SLC4A4: variants seen among roughly 807,000 people sequenced by gnomAD.
SLC4A4 encodes the protein electrogenic sodium bicarbonate cotransporter 1.
In SLC4A4, 27 loss-of-function variants were observed where a neutral mutation model predicts 111.5. The ratio of observed to expected loss-of-function variants is 0.24; its 90% CI spans 0.18 to 0.33. The LOEUF is 0.33. Ranked by LOEUF, SLC4A4 falls within the 10% of genes least tolerant of loss-of-function variation. SLC4A4 has a pLI of 1.00. For missense variants in SLC4A4, 909 were observed against 1,315.5 expected, an observed-to-expected ratio of 0.69 and a Z score of 4.78; for synonymous variants, 443 against 463.4, an observed-to-expected ratio of 0.96 and a Z score of 0.57.
intron 16 of SLC4A4, among the ~76,000 whole-genome samples, chr4:71,502,425 T>A (rs1178378156): frequency 6.6e-6 from 1 of 152,202 alleles, no homozygotes; most frequent in African/African-American, 2.4e-5. Context: ...TTCCTCAGGC[T>A]GTTTATTAGA....
intron 1 of SLC4A4, among the ~76,000 whole-genome samples, chr4:71,211,493 T>G (rs1158475654): frequency 6.6e-6 from 1 of 152,216 alleles, no homozygotes; most frequent in Non-Finnish European, 1.5e-5. Context: ...CACAAACTAC[T>G]AACAATAAAT....
intron 14 of SLC4A4, among the ~76,000 whole-genome samples, chr4:71,484,804 C>A (rs1729220824): frequency 6.6e-6 from 1 of 151,630 alleles, no homozygotes; most frequent in South Asian, 2.1e-4. Flanking sequence ...GAATGTTTTT[C>A]TATTGTTTGT....
intron 16 of SLC4A4, among the ~76,000 whole-genome samples, chr4:71,521,978 A>G (rs1020067827): frequency 4.6e-5 from 7 of 152,084 alleles, no homozygotes; most frequent in South Asian, 2.1e-4. Flanking sequence ...TCCATACCTC[A>G]CGGAGCCACT....
chr4:71,393,603 AAATTT>A (rs1163167593), intron 6 of SLC4A4, among the ~76,000 whole-genome samples: 5 of 152,276 alleles, frequency 3.3e-5, no homozygotes, highest in Non-Finnish European at 7.4e-5. Flanking sequence ...AGCAATCTAC[AAATTT>A]AACACAAACT....
At chr4:71,276,245 A>G (rs937367399) in intron 3 of SLC4A4, among the ~76,000 whole-genome samples, 7 of 152,354 alleles carry the variant, frequency 4.6e-5, no homozygotes, top group Middle Eastern at 3.4e-3. Flanking sequence ...CCCAATGGTT[A>G]TATCTTATAT....
intron 2 of SLC4A4, among the ~76,000 whole-genome samples, chr4:71,153,975 A>G (rs1744390742): frequency 6.6e-6 from 1 of 152,174 alleles, no homozygotes; most frequent in South Asian, 2.1e-4. Flanking sequence ...AGTGAGGTGA[A>G]CAAAACAATG....
intron 3 of SLC4A4, among the ~76,000 whole-genome samples, chr4:71,314,872 A>G (rs911846016): frequency 1.3e-5 from 2 of 152,126 alleles, no homozygotes; most frequent in African/African-American, 4.8e-5. Flanking sequence ...ACCATGGCAC[A>G]TGTATACCTA....
chr4:71,375,234 G>A (rs770801550), intron 6 of SLC4A4, among the ~76,000 whole-genome samples: 25 of 152,160 alleles, frequency 1.6e-4, no homozygotes, highest in Non-Finnish European at 2.6e-4. Flanking sequence ...TCCTCATGTG[G>A]AAGTGTTCAG....
chr4:71,281,924 CTTTTTTT>C (rs765763593), intron 3 of SLC4A4, among the ~76,000 whole-genome samples: 1 of 136,818 alleles, frequency 7.3e-6, no homozygotes, highest in Non-Finnish European at 1.6e-5. Flanking sequence ...TTTTCTCTTT[CTTTTTTT>C]TTTTTTTGGT....
chr4:71,431,398 G>A (rs1723635285), intron 7 of SLC4A4, among the ~76,000 whole-genome samples: 1 of 152,226 alleles, frequency 6.6e-6, no homozygotes, highest in East Asian at 1.9e-4. Flanking sequence ...ATCCCATTCA[G>A]AGGACACAGC....
intron 3 of SLC4A4, among the ~76,000 whole-genome samples, chr4:71,311,698 A>T (rs572169246): frequency 6.6e-5 from 10 of 152,328 alleles, no homozygotes; most frequent in African/African-American, 2.4e-4. Context: ...TTTAGAGGGA[A>T]ATTTATAGCA....
intron 3 of SLC4A4, among the ~76,000 whole-genome samples, chr4:71,337,465 A>T (rs923491467): frequency 1.3e-5 from 2 of 152,124 alleles, no homozygotes; most frequent in African/African-American, 4.8e-5. Context: ...TTCATTGTGT[A>T]GTTGTACCAT....
At chr4:71,565,563 G>A (rs1431509041) in intron 24 of SLC4A4, among the ~76,000 whole-genome samples, 2 of 30,882 alleles carry the variant, frequency 6.5e-5, no homozygotes, top group East Asian at 6.9e-3. Context: ...GGTTAAAAAG[G>A]GGAAATTTTT....
chr4:71,569,653 G>A lies in SLC4A4; in HGVS notation c.*1902G>A, dbSNP rs1002260668. The A allele has an allele frequency of 2.0e-5, 3 of 151,414 alleles. No individual in the cohort carries two copies. The highest frequency in any genetic ancestry group is 1.3e-4 in the Admixed American group (2 of 15,172). The allele number at this position is 151,414 out of a possible 1,614,324, so 9.4% of individuals were successfully genotyped here. A position where few individuals can be genotyped will look rare whatever the true frequency, so the allele number is the denominator to read the frequency against. ...TCCTAACTATAACCAGTTGTTGAGG[G>A]GTATACTAGAAGCAGAATGAAACCA... On this transcript the variant is annotated 3_prime_UTR_variant, in exon 26 of 26. Transcript: ENST00000264485.
At chr4:71,347,547 T>C (rs1054056745) in intron 4 of SLC4A4, among the ~76,000 whole-genome samples, 6 of 152,282 alleles carry the variant, frequency 3.9e-5, no homozygotes, top group African/African-American at 1.2e-4. Flanking sequence ...AAGTCATTAA[T>C]CCATCTAATC....
chr4:71,292,833 G>GTTTTTTTTTTTT (rs1210782035), intron 3 of SLC4A4, among the ~76,000 whole-genome samples: 1 of 133,386 alleles, frequency 7.5e-6, no homozygotes, highest in African/African-American at 3.0e-5. Flanking sequence ...CTTACTTTTG[G>GTTTTTTTTTTTT]TTTTTTTTGT....
At chr4:71,088,013 T>C (rs1742242806) in intron 1 of SLC4A4, among the ~76,000 whole-genome samples, 1 of 152,006 alleles carries the variant, frequency 6.6e-6, no homozygotes, top group Non-Finnish European at 1.5e-5. Context: ...GGTGTTAAAA[T>C]CTCCCATTAT....
intron 4 of SLC4A4, among the ~76,000 whole-genome samples, chr4:71,346,098 A>G (rs1729302924): frequency 2.0e-5 from 3 of 152,012 alleles, no homozygotes; most frequent in East Asian, 3.9e-4. Context: ...TTTCTTAATT[A>G]TATTTAATCA....
chr4:71,478,969 G>C (rs1425423864), intron 14 of SLC4A4, among the ~76,000 whole-genome samples: 2 of 151,630 alleles, frequency 1.3e-5, no homozygotes, highest in African/African-American at 4.8e-5. Flanking sequence ...TATACTCAAG[G>C]CACATTAATA....
Sources: gnomAD v4.1 joint callset for allele counts (sites outside exome capture counted in the v4.1 genomes callset) on GRCh38, gnomAD v4.1.1 for gene constraint, MANE v1.5 for transcripts, NCBI Gene and HGNC (gene_info 2026-07-23, HGNC 2026-07-21) for gene names.